Variants in NPHP1 observed in about 807,000 individuals in gnomAD.
NPHP1 encodes the protein nephrocystin 1, also known as nephrocystin-1.
Under a neutral mutation model 90.4 loss-of-function variants are expected in NPHP1, and 70 were observed. That is an observed-to-expected ratio of 0.77 (90% CI 0.64 to 0.95). The LOEUF is 0.95. Ranked by LOEUF, NPHP1 falls within the 40% of genes least tolerant of loss-of-function variation. NPHP1 has a pLI of 0.00. For synonymous variants in NPHP1, 256 were observed against 271.7 expected (o/e 0.94, Z 0.57); for missense variants, 764 against 795.9 (o/e 0.96, Z 0.48).
chr2:110,189,850 TG>T (rs377494529), intron 2 of NPHP1, among the ~76,000 whole-genome samples: 170 of 152,240 alleles, frequency 1.1e-3, no homozygotes, highest in African/African-American at 3.9e-3. Context: ...AGAGTGTCGA[TG>T]GGTGCATTCA....
intron 12 of NPHP1, 130 bp downstream of exon 12, chr2:110,150,052 A>G: frequency 1.3e-6 from 1 of 786,224 alleles, no homozygotes; most frequent in Non-Finnish European, 2.2e-6. Context: ...AATTTTTATC[A>G]ATGTCCTCAA....
chr2:110,142,892 G>A (rs1442990013), intron 16 of NPHP1, among the ~76,000 whole-genome samples: 1 of 152,118 alleles, frequency 6.6e-6, no homozygotes, highest in Non-Finnish European at 1.5e-5. Flanking sequence ...GTACTATTTA[G>A]AACAAAAAGG....
intron 19 of NPHP1, 147 bp downstream of exon 19, chr2:110,125,490 G>T (rs1574048601): frequency 8.8e-7 from 1 of 1,141,916 alleles, no homozygotes; most frequent in Non-Finnish European, 1.3e-6. Context: ...CTTGGAATGT[G>T]TTTTTGCAGC....
intron 2 of NPHP1, among the ~76,000 whole-genome samples, chr2:110,195,832 C>T (rs1362864377): frequency 1.3e-5 from 2 of 152,144 alleles, no homozygotes; most frequent in South Asian, 2.1e-4. Context: ...TAGAACAGAG[C>T]CCTCAGAAAT....
intron 1 of NPHP1, among the ~76,000 whole-genome samples, chr2:110,204,556 C>T (rs1201403425): frequency 1.3e-5 from 2 of 152,098 alleles, no homozygotes; most frequent in Non-Finnish European, 2.9e-5. Flanking sequence ...GAAATGGTTA[C>T]ACCACTAAGT....
chr2:110,181,410 C>A (rs576284686), intron 2 of NPHP1, among the ~76,000 whole-genome samples: 1 of 152,170 alleles, frequency 6.6e-6, no homozygotes, highest in Non-Finnish European at 1.5e-5. Context: ...CAGTACTCTC[C>A]TGGGACAGAG....
chr2:110,189,601 A>G (rs1384687668), intron 2 of NPHP1, among the ~76,000 whole-genome samples: 1 of 152,128 alleles, frequency 6.6e-6, no homozygotes, highest in African/African-American at 2.4e-5. Flanking sequence ...AAGGGGACCC[A>G]AGCGGGTTGC....
chr2:110,201,093 A>T (rs1474216747), intron 2 of NPHP1, among the ~76,000 whole-genome samples: 2 of 152,126 alleles, frequency 1.3e-5, no homozygotes, highest in Non-Finnish European at 2.9e-5. Flanking sequence ...TTGTCTTCTC[A>T]TGGGAGTTAA....
chr2:110,155,312 C>A (rs1681807661), intron 11 of NPHP1, among the ~76,000 whole-genome samples: 1 of 152,136 alleles, frequency 6.6e-6, no homozygotes, highest in African/African-American at 2.4e-5. Flanking sequence ...GGGCGGGGCT[C>A]TCATGGAGAA....
chr2:110,137,592 C>T (rs1249588732), intron 16 of NPHP1, among the ~76,000 whole-genome samples: 1 of 152,136 alleles, frequency 6.6e-6, no homozygotes, highest in African/African-American at 2.4e-5. Context: ...GATCACTGGC[C>T]ATCAGAGAAA....
chr2:110,124,920 C>T (rs2104412720), intron 19 of NPHP1: 2 of 280,370 alleles, frequency 7.1e-6, no homozygotes, highest in Non-Finnish European at 1.3e-5. Flanking sequence ...CTTCATTTTC[C>T]TTGTAGATAA....
intron 2 of NPHP1, among the ~76,000 whole-genome samples, chr2:110,189,954 G>C (rs964367950): frequency 1.3e-5 from 2 of 152,034 alleles, no homozygotes; most frequent in African/African-American, 4.8e-5. Flanking sequence ...CAATCCCTGA[G>C]CTAGACATAA....
chr2:110,161,758 A>G (rs1472180498), intron 9 of NPHP1, 61 bp from the exon 10 acceptor site: 5 of 1,251,238 alleles, frequency 4.0e-6, no homozygotes, highest in Non-Finnish European at 5.8e-6. Context: ...TCAAAAATCC[A>G]TAATGTTATG....
intron 16 of NPHP1, among the ~76,000 whole-genome samples, chr2:110,135,031 G>C (rs1235408817): frequency 6.6e-6 from 1 of 151,958 alleles, no homozygotes; most frequent in Non-Finnish European, 1.5e-5. Flanking sequence ...GAAATATGTA[G>C]AATATATGTA....
rs749086843 is a variant in NPHP1 at position 110,125,665 on chromosome 2, T to C, written c.1733A>G (p.Lys578Arg). 3 of 1,613,520 alleles carry C rather than the reference T, an allele frequency of 1.9e-6. No individual in the cohort carries two copies. In the South Asian group the frequency reaches 3.3e-5, roughly 18 times the overall value. ...CTCTGATCTTTTTAATGTGCTTTCT[T>C]TTCCAGCCCACGAACTCTAAAGAGC... Reference protein sequence around the residue: ...MDALRSSWAGKESTLKRSEKR... With the variant: ...MDALRSSWAGRESTLKRSEKR... Residue 578 changes from lysine to arginine, a missense_variant, in exon 19 of 20, where the codon AAA (lysine) becomes AGA (arginine). Lys to Arg is a conservative substitution (Grantham distance 26). Transcript: ENST00000445609.
chr2:110,158,927 G>GC (rs35176117), intron 11 of NPHP1, among the ~76,000 whole-genome samples: 58,798 of 151,638 alleles, frequency 0.39, 12,160 homozygotes, highest in East Asian at 0.59. Flanking sequence ...GTTGCATTTT[G>GC]CAATTTGAGG....
At chr2:110,126,587 G>A (rs1679385954) in intron 18 of NPHP1, 1 of 152,564 alleles carries the variant, frequency 6.6e-6, no homozygotes, top group Non-Finnish European at 1.5e-5. Context: ...TGGGTCCTTA[G>A]GAGTTTGAAG....
intron 1 of NPHP1, among the ~76,000 whole-genome samples, chr2:110,202,126 T>C (rs1434397268): frequency 6.6e-6 from 1 of 152,174 alleles, no homozygotes; most frequent in Non-Finnish European, 1.5e-5. Context: ...TTCCTTCTCA[T>C]TACTGAGTGG....
chr2:110,144,364 T>G, intron 15 of NPHP1, 129 bp downstream of exon 15: 1 of 665,922 alleles, frequency 1.5e-6, no homozygotes, highest in Admixed American at 2.7e-5. Context: ...AATTTTTATA[T>G]CAAATGACAT....
Sources: allele counts gnomAD v4.1 joint callset (sites outside exome capture counted in the v4.1 genomes callset), GRCh38; gene constraint gnomAD v4.1.1; transcripts MANE v1.5; gene names NCBI Gene and HGNC (gene_info 2026-07-23, HGNC 2026-07-21).